DPP10: variants seen among roughly 807,000 people sequenced by gnomAD.
DPP10 encodes the protein dipeptidyl peptidase like 10.
DPP10 carries 33 observed loss-of-function variants against 120.9 expected under a neutral mutation model. The ratio of observed to expected loss-of-function variants is 0.27; its 90% CI spans 0.21 to 0.37. DPP10 has a LOEUF of 0.37. Among genes scored for constraint, DPP10 ranks in the 10% least tolerant of loss-of-function variants. The probability of loss-of-function intolerance (pLI) is 1.00; values close to 1 mark genes in which losing one functional copy is unlikely to be tolerated. For missense variants in DPP10, 816 were observed against 942.8 expected, an observed-to-expected ratio of 0.87 and a Z score of 1.76; for synonymous variants, 337 against 326.1, an observed-to-expected ratio of 1.03 and a Z score of -0.36.
At chr2:115,249,224 G>A (rs570491740) in intron 1 of DPP10, among the ~76,000 whole-genome samples, 11 of 152,168 alleles carry the variant, frequency 7.2e-5, no homozygotes, top group South Asian at 6.2e-4. Flanking sequence ...GATATAAAAC[G>A]CACTTTAGAA....
At chr2:115,523,518 A>T (rs2077947191) in intron 4 of DPP10, among the ~76,000 whole-genome samples, 1 of 151,960 alleles carries the variant, frequency 6.6e-6, no homozygotes, top group African/African-American at 2.4e-5. Context: ...GAAAGGTGTA[A>T]CAACTGCAAC....
intron 3 of DPP10, among the ~76,000 whole-genome samples, chr2:115,377,720 G>A (rs1320601825): frequency 3.9e-5 from 6 of 151,944 alleles, no homozygotes; most frequent in South Asian, 2.1e-4. Context: ...ATCTTGAATT[G>A]ATTTTTGTAT....
chr2:115,321,799 C>G lies in DPP10; in HGVS notation c.175+12446C>G, dbSNP rs114357810. Among the ~76,000 whole-genome samples, 603 of 152,108 alleles carry G rather than the reference C, an allele frequency of 4.0e-3. 4 individuals carry two copies. Among genetic ancestry groups the G allele is most frequent in the African/African-American group, 0.014 (590 of 41,526 alleles). ...TCACTGGTTCTTTCTTCTGCCTGCT[C>G]AAATCTGCTGTTTTATTCTTCTACT... On this transcript the variant is annotated intron_variant, in intron 2 of 25. Coordinates refer to ENST00000410059, the MANE Select transcript of DPP10 (RefSeq NM_020868.6).
intron 17 of DPP10, among the ~76,000 whole-genome samples, chr2:115,790,159 A>G (rs2149907166): frequency 6.7e-6 from 1 of 150,068 alleles, no homozygotes; most frequent in Admixed American, 6.7e-5. Context: ...GGCTCACTGC[A>G]AGCTCCGCTT....
intron 5 of DPP10, among the ~76,000 whole-genome samples, chr2:115,589,286 G>A (rs1269666432): frequency 6.6e-6 from 1 of 152,154 alleles, no homozygotes; most frequent in Non-Finnish European, 1.5e-5. Context: ...AATAGAGAAT[G>A]CATTTTTATT....
At chr2:115,017,846 C>T (rs189600851) in intron 1 of DPP10, among the ~76,000 whole-genome samples, 2 of 150,226 alleles carry the variant, frequency 1.3e-5, no homozygotes, top group East Asian at 2.0e-4. Context: ...ACACACAGGG[C>T]CTGTTGTGGG....
chr2:115,029,449 C>T (rs1291226730), intron 1 of DPP10, among the ~76,000 whole-genome samples: 3 of 150,274 alleles, frequency 2.0e-5, no homozygotes, highest in Non-Finnish European at 3.0e-5. Context: ...TCTTTTTGCA[C>T]ATTAGCGTTT....
At chr2:114,469,833 C>G (rs1343328391) in intron 1 of DPP10, among the ~76,000 whole-genome samples, 1 of 152,162 alleles carries the variant, frequency 6.6e-6, no homozygotes, top group African/African-American at 2.4e-5. Context: ...AGTGAGTTTG[C>G]AAGGAGCCTA....
chr2:114,741,786 T>C (rs989920189), intron 1 of DPP10, among the ~76,000 whole-genome samples: 1 of 152,112 alleles, frequency 6.6e-6, no homozygotes, highest in African/African-American at 2.4e-5. Flanking sequence ...AGTTACGCTG[T>C]CACAAGCCAC....
At chr2:115,431,241 G>A (rs1348523715) in intron 3 of DPP10, among the ~76,000 whole-genome samples, 6 of 152,168 alleles carry the variant, frequency 3.9e-5, no homozygotes, top group African/African-American at 1.2e-4. Context: ...TTGAGAGTCT[G>A]GAGGACAAGT....
chr2:114,512,277 T>C (rs1249591519), intron 1 of DPP10, among the ~76,000 whole-genome samples: 1 of 152,174 alleles, frequency 6.6e-6, no homozygotes, highest in Non-Finnish European at 1.5e-5. Context: ...TTTTCCAGTC[T>C]GCAAGACCCA....
At chr2:115,301,336 T>C (rs957598161) in intron 1 of DPP10, among the ~76,000 whole-genome samples, 1 of 151,926 alleles carries the variant, frequency 6.6e-6, no homozygotes, top group African/African-American at 2.4e-5. Context: ...ATATTCATTT[T>C]CGTCTGAGAG....
intron 5 of DPP10, among the ~76,000 whole-genome samples, chr2:115,568,207 G>A (rs2081123327): frequency 6.9e-6 from 1 of 145,532 alleles, no homozygotes; most frequent in South Asian, 2.2e-4. Context: ...AAAAAAGACT[G>A]GGAGCAGTGG....
chr2:114,489,897 C>T (rs1263829959), intron 1 of DPP10, among the ~76,000 whole-genome samples: 1 of 152,190 alleles, frequency 6.6e-6, no homozygotes, highest in East Asian at 1.9e-4. Context: ...AGAGTTAGTT[C>T]TCTCAACTGT....
At chr2:115,305,975 T>C (rs918845237) in intron 1 of DPP10, among the ~76,000 whole-genome samples, 3 of 152,012 alleles carry the variant, frequency 2.0e-5, no homozygotes, top group Admixed American at 2.0e-4. Flanking sequence ...TCCAAACAGT[T>C]CACTTAGTGT....
At chr2:115,027,976 T>C (rs1703584863) in intron 1 of DPP10, among the ~76,000 whole-genome samples, 1 of 152,082 alleles carries the variant, frequency 6.6e-6, no homozygotes, top group African/African-American at 2.4e-5. Context: ...TTTCTAATTT[T>C]ACTTAATTGG....
intron 5 of DPP10, among the ~76,000 whole-genome samples, chr2:115,557,757 A>G (rs2149032787): frequency 6.6e-6 from 1 of 152,318 alleles, no homozygotes; most frequent in South Asian, 2.1e-4. Context: ...TAGAGAGTAA[A>G]AAAAGAAAGG....
chr2:114,834,459 C>A lies in DPP10; in HGVS notation c.60+391621C>A, dbSNP rs112869942. ...CATATCTACACACCTATGTACATAT[C>A]AGCCATATCTACACACCTATGTATA... On this transcript the variant is annotated intron_variant, in intron 1 of 25. Transcript: ENST00000410059. Among the ~76,000 whole-genome samples the A allele has an allele frequency of 9.1e-3, 1,007 of 110,552 alleles. 10 individuals carry two copies. The highest frequency in any genetic ancestry group is 0.029 in the African/African-American group (838 of 29,078). The allele number at this position is 110,552 out of a possible 152,430, so 72.5% of individuals were successfully genotyped here. A position where few individuals can be genotyped will look rare whatever the true frequency, so the allele number is the denominator to read the frequency against.
intron 1 of DPP10, among the ~76,000 whole-genome samples, chr2:114,663,668 T>TATATATAGAGAGAGAGAGAGAGAGAGAG: frequency 8.7e-5 from 7 of 80,712 alleles, no homozygotes; most frequent in African/African-American, 6.6e-4. Context: ...TATATATATA[T>TATATATAGAGAGAGAGAGAGAGAGAGAG]AGAGAGAGAG....
Sources: allele counts gnomAD v4.1 joint callset (sites outside exome capture counted in the v4.1 genomes callset), GRCh38; gene constraint gnomAD v4.1.1; transcripts MANE v1.5; gene names NCBI Gene and HGNC (gene_info 2026-07-23, HGNC 2026-07-21).